The following TMEM132C variants were observed in gnomAD, a reference collection of about 807,000 sequenced individuals.
The protein encoded by TMEM132C is transmembrane protein 132C, also known as protein phosphatase 1, regulatory subunit 152.
In TMEM132C, 29 loss-of-function variants were observed where a neutral mutation model predicts 61.4. That is an observed-to-expected ratio of 0.47 (90% CI 0.35 to 0.64). The LOEUF is 0.64. Among genes scored for constraint, TMEM132C ranks in the 30% least tolerant of loss-of-function variants. The pLI, the probability that TMEM132C is intolerant of heterozygous loss-of-function variation, is 0.00. For missense variants in TMEM132C, 1,408 were observed against 1,476.9 expected (o/e 0.95, Z 0.76); for synonymous variants, 656 against 633.1 (o/e 1.04, Z -0.54).
chr12:128,638,923 ATGG>A (rs1565999024), intron 4 of TMEM132C, among the ~76,000 whole-genome samples: 23 of 111,698 alleles, frequency 2.1e-4, no homozygotes, highest in African/African-American at 7.6e-4. Context: ...GATGGTGGTG[ATGG>A]TGATGGTGGT....
At chr12:128,640,570 G>A in intron 4 of TMEM132C, among the ~76,000 whole-genome samples, 1 of 152,300 alleles carries the variant, frequency 6.6e-6, no homozygotes, top group East Asian at 1.9e-4. Flanking sequence ...GCACAACTCT[G>A]AGAATCTACT....
chr12:128,378,259 A>T (rs556474981), intron 1 of TMEM132C, among the ~76,000 whole-genome samples: 1 of 151,766 alleles, frequency 6.6e-6, no homozygotes, highest in Non-Finnish European at 1.5e-5. Context: ...GGACTACAGG[A>T]GCCTGCCACC....
intron 4 of TMEM132C, among the ~76,000 whole-genome samples, chr12:128,665,410 C>T: frequency 6.6e-6 from 1 of 150,770 alleles, no homozygotes; most frequent in African/African-American, 2.4e-5. Flanking sequence ...CACACATACA[C>T]AAATACAGGC....
chr12:128,457,813 C>T (rs1870396954), intron 2 of TMEM132C, among the ~76,000 whole-genome samples: 1 of 152,022 alleles, frequency 6.6e-6, no homozygotes, highest in Admixed American at 6.6e-5. Context: ...TTTCTGCCTA[C>T]CTCTAATTTT....
intron 1 of TMEM132C, among the ~76,000 whole-genome samples, chr12:128,297,444 G>T (rs912699773): frequency 6.6e-6 from 1 of 152,184 alleles, no homozygotes; most frequent in Non-Finnish European, 1.5e-5. Flanking sequence ...TAATTTACGG[G>T]TGCTATCATG....
At chr12:128,389,793 G>T (rs1874706996) in intron 1 of TMEM132C, among the ~76,000 whole-genome samples, 1 of 152,182 alleles carries the variant, frequency 6.6e-6, no homozygotes, top group African/African-American at 2.4e-5. Flanking sequence ...GCCAATTAAG[G>T]CCCAGCCCTC....
intron 2 of TMEM132C, among the ~76,000 whole-genome samples, chr12:128,476,711 T>A (rs529070384): frequency 6.6e-6 from 1 of 152,216 alleles, no homozygotes; most frequent in South Asian, 2.1e-4. Flanking sequence ...ATTTAGGGAG[T>A]TTTGCAGAAA....
intron 2 of TMEM132C, among the ~76,000 whole-genome samples, chr12:128,425,901 A>C (rs1869166737): frequency 6.6e-6 from 1 of 152,180 alleles, no homozygotes; most frequent in Non-Finnish European, 1.5e-5. Context: ...ATCCTTAACT[A>C]ATTCCATCTG....
At chr12:128,673,445 C>T (rs1113727) in intron 5 of TMEM132C, among the ~76,000 whole-genome samples, 106,713 of 151,968 alleles carry the variant, frequency 0.7, 40,140 homozygotes, top group South Asian at 0.87. Flanking sequence ...ACCTGACTTA[C>T]GGTATTCTGT....
At chr12:128,614,920 A>G (rs1339522365) in intron 3 of TMEM132C, among the ~76,000 whole-genome samples, 1 of 152,196 alleles carries the variant, frequency 6.6e-6, no homozygotes, top group Non-Finnish European at 1.5e-5. Context: ...TTGTGGTGGA[A>G]ACACCACTGT....
In TMEM132C at chr12:128,697,360, G is replaced by A; in HGVS notation, c.2066G>A (p.Ser689Asn). 1 of 1,551,192 alleles carries A rather than the reference G, an allele frequency of 6.4e-7. No individual in the cohort carries two copies. Among genetic ancestry groups the A allele is most frequent in the Non-Finnish European group, 8.7e-7 (1 of 1,146,660 alleles). ...GCCCTTTACCCCAACGCAGAAAACA[G>A]CAAGGCCGTAACAGCTGTGGTCACA... ...SVALYPNAENSKAVTAVVTAE... is the reference protein window; with the variant it reads ...SVALYPNAENNKAVTAVVTAE... Residue 689 changes from serine to asparagine, a missense_variant, in exon 8 of 9, where the codon AGC becomes AAC. Transcript: ENST00000435159.
intron 2 of TMEM132C, among the ~76,000 whole-genome samples, chr12:128,418,973 T>C (rs1868880338): frequency 6.6e-6 from 1 of 152,166 alleles, no homozygotes; most frequent in African/African-American, 2.4e-5. Flanking sequence ...GGCCCCTAGA[T>C]ACGTTGTGTG....
At chr12:128,357,687 C>G (rs1242624565) in intron 1 of TMEM132C, among the ~76,000 whole-genome samples, 2 of 138,992 alleles carry the variant, frequency 1.4e-5, no homozygotes, top group Non-Finnish European at 3.1e-5. Flanking sequence ...AGTGAGACTC[C>G]GTCTCAAAAA....
chr12:128,559,113 AC>A (rs1264620624), intron 3 of TMEM132C, among the ~76,000 whole-genome samples: 6 of 151,708 alleles, frequency 4.0e-5, no homozygotes, highest in African/African-American at 1.5e-4. Context: ...ACACACACAC[AC>A]AAACACACAC....
chr12:128,529,522 G>A (rs916110335), intron 2 of TMEM132C, among the ~76,000 whole-genome samples: 119 of 152,252 alleles, frequency 7.8e-4, no homozygotes, highest in African/African-American at 2.8e-3. Context: ...GGTGGCTTAC[G>A]CTTGTAATCC....
At chr12:128,693,527 T>C (rs1954734756) in intron 5 of TMEM132C, among the ~76,000 whole-genome samples, 1 of 152,124 alleles carries the variant, frequency 6.6e-6, no homozygotes, top group Admixed American at 6.5e-5. Flanking sequence ...AAGTGGACAA[T>C]TCTAGATACT....
intron 5 of TMEM132C, among the ~76,000 whole-genome samples, chr12:128,675,295 C>T (rs1049646895): frequency 2.0e-5 from 3 of 152,064 alleles, no homozygotes; most frequent in African/African-American, 7.2e-5. Context: ...TCATTTACTA[C>T]TCATAACATC....
intron 2 of TMEM132C, among the ~76,000 whole-genome samples, chr12:128,536,984 A>T (rs1565966496): frequency 6.6e-6 from 1 of 152,216 alleles, no homozygotes; most frequent in African/African-American, 2.4e-5. Flanking sequence ...ACAGGGATTT[A>T]TGCTGAGTAA....
chr12:128,409,085 G>A (rs1451442743), intron 1 of TMEM132C, among the ~76,000 whole-genome samples: 1 of 152,178 alleles, frequency 6.6e-6, no homozygotes, highest in Non-Finnish European at 1.5e-5. Flanking sequence ...GAAGCAAGGA[G>A]ATGGGCTTTC....
Sources: allele counts gnomAD v4.1 joint callset (sites outside exome capture counted in the v4.1 genomes callset), GRCh38; gene constraint gnomAD v4.1.1; transcripts MANE v1.5; gene names NCBI Gene and HGNC (gene_info 2026-07-23, HGNC 2026-07-21).